The following PRKD1 variants were observed in gnomAD, a reference collection of about 807,000 sequenced individuals.
The protein encoded by PRKD1 is protein kinase D1, also known as serine/threonine-protein kinase D1.
PRKD1 carries 63 observed loss-of-function variants against 95.9 expected under a neutral mutation model. That is an observed-to-expected ratio of 0.66 (90% CI 0.54 to 0.81). PRKD1 has a LOEUF of 0.81. Ranked by LOEUF, PRKD1 falls within the 30% of genes least tolerant of loss-of-function variation. PRKD1 has a pLI of 0.00. For missense variants in PRKD1, 1,048 were observed against 1,165.3 expected, an observed-to-expected ratio of 0.90 and a Z score of 1.47; for synonymous variants, 425 against 423.1, an observed-to-expected ratio of 1.00 and a Z score of -0.05.
rs1892572397 is a variant in PRKD1, at chr14:29,576,890, C to T, written c.*348G>A. On this transcript the variant is annotated 3_prime_UTR_variant, in exon 18 of 18. Transcript: ENST00000331968. Reference sequence around the variant, plus strand: ...TGGGACACACCAAACAGAACTACTTCACAGATACATTCTGTCTCTTACCAA... The same window carrying T: ...TGGGACACACCAAACAGAACTACTTTACAGATACATTCTGTCTCTTACCAA... The T allele has an allele frequency of 3.2e-6, 1 of 314,356 alleles. No individual in the cohort carries two copies. The highest frequency in any genetic ancestry group is 6.1e-6 in the Non-Finnish European group (1 of 162,726). The allele number at this position is 314,356 out of a possible 1,614,324, so 19.5% of individuals were successfully genotyped here.
intron 1 of PRKD1, among the ~76,000 whole-genome samples, chr14:29,907,334 C>T (rs889364916): frequency 2.0e-5 from 3 of 152,162 alleles, no homozygotes; most frequent in Non-Finnish European, 4.4e-5. Context: ...AGAACAATTA[C>T]TAGAAAGCAA....
intron 1 of PRKD1, among the ~76,000 whole-genome samples, chr14:29,728,100 T>C (rs982844731): frequency 6.6e-6 from 1 of 152,082 alleles, no homozygotes; most frequent in African/African-American, 2.4e-5. Context: ...GCATGTCACA[T>C]GTATACATAT....
At chr14:29,660,419 ACTT>A (rs1174091948) in intron 4 of PRKD1, among the ~76,000 whole-genome samples, 3 of 152,122 alleles carry the variant, frequency 2.0e-5, no homozygotes, top group African/African-American at 4.8e-5. Context: ...TGGGTTGGAT[ACTT>A]CTTCATTGTA....
intron 1 of PRKD1, among the ~76,000 whole-genome samples, chr14:29,884,666 T>C (rs1337249807): frequency 6.6e-6 from 1 of 152,220 alleles, no homozygotes; most frequent in Admixed American, 6.5e-5. Context: ...CAACATATCA[T>C]GGACTTCGAT....
intron 1 of PRKD1, among the ~76,000 whole-genome samples, chr14:29,887,317 A>G (rs1332147743): frequency 1.3e-5 from 2 of 152,192 alleles, no homozygotes; most frequent in Admixed American, 6.5e-5. Context: ...CAGGTACACA[A>G]GAGGGAGTCA....
chr14:29,681,803 T>C (rs1883555054), intron 2 of PRKD1, among the ~76,000 whole-genome samples: 1 of 152,244 alleles, frequency 6.6e-6, no homozygotes, highest in African/African-American at 2.4e-5. Flanking sequence ...CTCACTCTCA[T>C]GGATCATAGC....
intron 1 of PRKD1, among the ~76,000 whole-genome samples, chr14:29,911,454 C>A (rs1269759034): frequency 6.6e-6 from 1 of 152,124 alleles, no homozygotes; most frequent in African/African-American, 2.4e-5. Flanking sequence ...TATCTGAAGT[C>A]TTTTCTTCAC....
chr14:29,796,070 C>T (rs1048893350), intron 1 of PRKD1, among the ~76,000 whole-genome samples: 20 of 152,088 alleles, frequency 1.3e-4, no homozygotes, highest in African/African-American at 4.8e-4. Context: ...CTCTTCTAAA[C>T]AAGCAAATGA....
At position 29,631,030 on chromosome 14, in the gene PRKD1, GA is replaced by G. The variant is rs45589232; in HGVS notation, c.1393-10del. 2.7e-4 allele frequency: 424 copies of G among 1,581,644 alleles called. 1 individual carries two copies. The African/African-American group carries it at 4.9e-3, about 18-fold the overall frequency. ...TCAGATAAAGGAATTTCCTGTGAAA[GA>G]AAAAAAGTACTAAATGTTGTTTATC... On this transcript the variant is annotated splice_polypyrimidine_tract_variant and intron_variant, in intron 9 of 17. Coordinates refer to ENST00000331968, the MANE Select transcript of PRKD1 (RefSeq NM_002742.3).
intron 1 of PRKD1, among the ~76,000 whole-genome samples, chr14:29,742,882 T>C (rs1185574150): frequency 6.6e-6 from 1 of 152,206 alleles, no homozygotes; most frequent in Non-Finnish European, 1.5e-5. Context: ...CTTCATTTTA[T>C]TGGATAACTG....
At chr14:29,622,717 T>C (rs573959682) in intron 13 of PRKD1, among the ~76,000 whole-genome samples, 1 of 152,296 alleles carries the variant, frequency 6.6e-6, no homozygotes, top group South Asian at 2.1e-4. Context: ...TTTATTTTTC[T>C]ACCTCTCGAG....
At chr14:29,669,971 C>G (rs1448449001) in intron 2 of PRKD1, among the ~76,000 whole-genome samples, 1 of 152,202 alleles carries the variant, frequency 6.6e-6, no homozygotes. Flanking sequence ...GATCACTACT[C>G]ACAATCAGTT....
chr14:29,594,753 T>C (rs965756676), intron 16 of PRKD1, among the ~76,000 whole-genome samples: 1 of 152,308 alleles, frequency 6.6e-6, no homozygotes, highest in South Asian at 2.1e-4. Context: ...CTGTGCCAGA[T>C]ACGATTAATA....
chr14:29,768,948 G>A (rs1327030248), intron 1 of PRKD1, among the ~76,000 whole-genome samples: 1 of 152,094 alleles, frequency 6.6e-6, no homozygotes, highest in African/African-American at 2.4e-5. Context: ...GCCCAAGTCA[G>A]GTCACTTGTG....
At chr14:29,671,158 T>TA (rs1272876006) in intron 2 of PRKD1, among the ~76,000 whole-genome samples, 3 of 151,810 alleles carry the variant, frequency 2.0e-5, no homozygotes, top group Non-Finnish European at 4.4e-5. Context: ...GGTTAGAGAT[T>TA]AAAAAAAATA....
Position 29,577,166 on chromosome 14 carries a change from A to T in PRKD1, c.*72T>A, listed in dbSNP as rs1892581797. The T allele has an allele frequency of 6.8e-7, 1 of 1,471,760 alleles. No homozygotes were observed. Among genetic ancestry groups the T allele is most frequent in the Non-Finnish European group, 9.4e-7 (1 of 1,058,426 alleles). The allele number at this position is 1,471,760 out of a possible 1,614,324, so 91.2% of individuals were successfully genotyped here. A position where few individuals can be genotyped will look rare whatever the true frequency, so the allele number is the denominator to read the frequency against. ...GACAGAAAATAATGGCAGTTCTGCA[A>T]GGCAAATGTTAAACCTGACCGTATG... On this transcript the variant is annotated 3_prime_UTR_variant, in exon 18 of 18. Coordinates refer to ENST00000331968, the MANE Select transcript of PRKD1 (RefSeq NM_002742.3).
intron 16 of PRKD1, among the ~76,000 whole-genome samples, chr14:29,592,477 G>T (rs1438724854): frequency 6.6e-6 from 1 of 151,858 alleles, no homozygotes; most frequent in African/African-American, 2.4e-5. Flanking sequence ...CTTAACTATT[G>T]TAAGTTATAC....
intron 1 of PRKD1, among the ~76,000 whole-genome samples, chr14:29,785,151 T>C (rs761100227): frequency 4.6e-5 from 7 of 152,158 alleles, no homozygotes; most frequent in Non-Finnish European, 1.0e-4. Flanking sequence ...GTCTATTTTG[T>C]GATACAGGCC....
intron 1 of PRKD1, among the ~76,000 whole-genome samples, chr14:29,909,018 G>T (rs372573434): frequency 6.6e-6 from 1 of 152,196 alleles, no homozygotes; most frequent in African/African-American, 2.4e-5. Flanking sequence ...GCGGGAACCA[G>T]GGCTGCGAGT....
Sources: allele counts gnomAD v4.1 joint callset (sites outside exome capture counted in the v4.1 genomes callset), GRCh38; gene constraint gnomAD v4.1.1; transcripts MANE v1.5; gene names NCBI Gene and HGNC (gene_info 2026-07-23, HGNC 2026-07-21).